Variants in PSTPIP2 observed in about 807,000 individuals in gnomAD.
PSTPIP2 encodes the protein proline-serine-threonine phosphatase-interacting protein 2.
Under a neutral mutation model 63.3 loss-of-function variants are expected in PSTPIP2, and 33 were observed. The ratio of observed to expected loss-of-function variants is 0.52; its 90% CI spans 0.40 to 0.70. The LOEUF (loss-of-function observed/expected upper bound fraction) is 0.70, where lower values mean the gene tolerates loss of function less well. PSTPIP2 is among the 30% of genes least tolerant of loss of function. The probability of loss-of-function intolerance (pLI) is 0.00; values close to 1 mark genes in which losing one functional copy is unlikely to be tolerated. For missense variants in PSTPIP2, 312 were observed against 400.7 expected, an observed-to-expected ratio of 0.78 and a Z score of 1.89; for synonymous variants, 125 against 132.7, an observed-to-expected ratio of 0.94 and a Z score of 0.40.
At chr18:45,987,880 G>A (rs187664863) in intron 14 of PSTPIP2, among the ~76,000 whole-genome samples, 6 of 152,312 alleles carry the variant, frequency 3.9e-5, no homozygotes, top group African/African-American at 1.4e-4. Context: ...GCTTAGCAGT[G>A]TTCAGTCCTC....
At chr18:46,028,407 A>G (rs1234895862) in intron 2 of PSTPIP2, 13 of 525,078 alleles carry the variant, frequency 2.5e-5, no homozygotes, top group Non-Finnish European at 4.9e-5. Context: ...CGGCGAGGGA[A>G]GAGGAGAGAC....
At chr18:46,018,038 A>G (rs531309189) in intron 3 of PSTPIP2, among the ~76,000 whole-genome samples, 1 of 152,300 alleles carries the variant, frequency 6.6e-6, no homozygotes, top group South Asian at 2.1e-4. Context: ...TTTTATTTAT[A>G]TAAGTTCTAT....
intron 5 of PSTPIP2, among the ~76,000 whole-genome samples, chr18:46,009,693 C>T (rs1209078823): frequency 6.6e-6 from 1 of 152,184 alleles, no homozygotes; most frequent in Non-Finnish European, 1.5e-5. Context: ...CCTGAAAGGA[C>T]TAGGGCTACC....
intron 1 of PSTPIP2, among the ~76,000 whole-genome samples, chr18:46,054,131 T>C (rs540839203): frequency 3.3e-5 from 5 of 152,258 alleles, no homozygotes; most frequent in Non-Finnish European, 7.4e-5. Context: ...TCTAAACATA[T>C]CAAACAGAAA....
At chr18:46,001,386 A>G (rs185530601) in intron 6 of PSTPIP2, among the ~76,000 whole-genome samples, 244 of 152,222 alleles carry the variant, frequency 1.6e-3, no homozygotes, top group African/African-American at 5.6e-3. Flanking sequence ...TGCCATTTGT[A>G]TGTCTTCTTT....
chr18:46,021,781 A>C (rs2144093232), intron 3 of PSTPIP2, among the ~76,000 whole-genome samples: 1 of 148,008 alleles, frequency 6.8e-6, no homozygotes, highest in Admixed American at 6.9e-5. Context: ...CCCTGTCTCT[A>C]CTAAAAATAC....
In PSTPIP2 at chr18:45,992,151, T is replaced by C. The variant is rs760272448; in HGVS notation, c.793A>G (p.Ile265Val). The part of the protein sequence containing the change: ...SLEMCSIQRD[I>V]EYFVNQRKTG... ...TTGCGTTGATTCACAAAGTATTCAA[T>C]GTCCCTCTGAATGCTGCACATTTCT... Residue 265 changes from isoleucine (I) to valine (V), a missense_variant, in exon 11 of 15, where the codon ATT (isoleucine) becomes GTT (valine). Physicochemically the swap from Ile to Val is conservative, Grantham distance 29. Transcript: ENST00000409746. The C allele has an allele frequency of 1.8e-5, 29 of 1,608,482 alleles. No homozygotes were observed. Among genetic ancestry groups the C allele is most frequent in the Non-Finnish European group, 2.2e-5 (26 of 1,177,272 alleles).
intron 1 of PSTPIP2, among the ~76,000 whole-genome samples, chr18:46,061,181 G>A (rs1238171954): frequency 6.6e-6 from 1 of 152,018 alleles, no homozygotes; most frequent in Non-Finnish European, 1.5e-5. Flanking sequence ...GTGCGTGCCT[G>A]TAATCCCAGC....
At chr18:46,072,051 C>A in intron 1 of PSTPIP2, 105 bp downstream of exon 1, 1 of 1,376,532 alleles carries the variant, frequency 7.3e-7, no homozygotes, top group South Asian at 1.6e-5. Flanking sequence ...GGCGCGCGGT[C>A]ACCGAGTGGC....
At chr18:46,028,728 G>A (rs1281108216) in intron 2 of PSTPIP2, 2 of 928,566 alleles carry the variant, frequency 2.2e-6, no homozygotes, top group Non-Finnish European at 1.8e-6. Context: ...GTAAACTTTA[G>A]AAAGACAAAC....
chr18:45,989,282 G>C (rs1568207514), intron 13 of PSTPIP2, among the ~76,000 whole-genome samples: 1 of 152,168 alleles, frequency 6.6e-6, no homozygotes. Context: ...CCTAGTGGGA[G>C]ATAATTTGAA....
At chr18:46,059,793 C>A (rs1908924584) in intron 1 of PSTPIP2, among the ~76,000 whole-genome samples, 1 of 151,996 alleles carries the variant, frequency 6.6e-6, no homozygotes, top group Non-Finnish European at 1.5e-5. Flanking sequence ...CTTTGGGAGG[C>A]CAAGGCGGGT....
chr18:45,993,463 C>G (rs1314104477), intron 10 of PSTPIP2, 142 bp downstream of exon 10: 1 of 680,092 alleles, frequency 1.5e-6, no homozygotes, highest in East Asian at 2.8e-5. Context: ...TATCTGCATC[C>G]TTCTGTCAAC....
chr18:46,001,285 T>A (rs1197886514), intron 6 of PSTPIP2, among the ~76,000 whole-genome samples: 3 of 152,254 alleles, frequency 2.0e-5, no homozygotes, highest in African/African-American at 7.2e-5. Flanking sequence ...ATAACAGCCA[T>A]CCTAACTGGG....
chr18:46,020,346 C>A (rs1907300692), intron 3 of PSTPIP2, among the ~76,000 whole-genome samples: 1 of 152,266 alleles, frequency 6.6e-6, no homozygotes, highest in Non-Finnish European at 1.5e-5. Context: ...AAAATCCTAG[C>A]TAGTCCCTGG....
At chr18:46,029,808 C>T in intron 2 of PSTPIP2, 1 of 477,946 alleles carries the variant, frequency 2.1e-6, no homozygotes, top group Non-Finnish European at 4.0e-6. Context: ...GATACTTTGC[C>T]TTGGGGAATG....
At chr18:45,997,934 G>T in intron 8 of PSTPIP2, 106 bp from the exon 9 acceptor site, 1 of 958,232 alleles carries the variant, frequency 1.0e-6, no homozygotes, top group South Asian at 1.3e-5. Context: ...TCCGAGTTGT[G>T]CTGAGCTTAC....
intron 3 of PSTPIP2, among the ~76,000 whole-genome samples, chr18:46,019,454 AC>A (rs779146834): frequency 6.6e-6 from 1 of 152,088 alleles, no homozygotes; most frequent in African/African-American, 2.4e-5. Flanking sequence ...TTCTCCATTC[AC>A]TTTACCCATC....
At chr18:46,015,270 C>T (rs1170827540) in intron 4 of PSTPIP2, among the ~76,000 whole-genome samples, 1 of 152,162 alleles carries the variant, frequency 6.6e-6, no homozygotes, top group Non-Finnish European at 1.5e-5. Context: ...TAACTTTATT[C>T]TGGATACAAA....
Sources: allele counts gnomAD v4.1 joint callset (sites outside exome capture counted in the v4.1 genomes callset), GRCh38; gene constraint gnomAD v4.1.1; transcripts MANE v1.5; gene names NCBI Gene and HGNC (gene_info 2026-07-23, HGNC 2026-07-21).